Variants in OR10S1 observed in about 807,000 individuals in gnomAD.
The protein encoded by OR10S1 is olfactory receptor family 10 subfamily S member 1, also known as olfactory receptor 10S1.
For synonymous variants in OR10S1, 167 were observed against 164.1 expected (o/e 1.02, Z -0.13); for missense variants, 415 against 407.9 (o/e 1.02, Z -0.15).
Position 123,976,854 on chromosome 11 carries a change from C to T in OR10S1, c.811G>A (p.Glu271Lys), listed in dbSNP as rs746430290. 9 of 1,614,162 alleles carry T rather than the reference C, an allele frequency of 5.6e-6. 1 individual carries two copies. In the South Asian group the frequency reaches 8.8e-5, roughly 16 times the overall value. The change falls in exon 1 of 1, where the codon GAG becomes AAG. Residue 271 changes from glutamate to lysine, a missense_variant. Transcript: ENST00000641123. ...ACAGCAGGGGCCCCAGCTCCTGCCT[C>T]ACTGGAGCGAGGCTGCAGGTAGATA...
exon 1 of OR10S1, chr11:123,977,327 G>T (rs368590825): frequency 2.9e-5 from 47 of 1,614,044 alleles, no homozygotes; most frequent in Non-Finnish European, 3.7e-5. Flanking sequence ...CTCAGTGCTG[G>T]CCAGAAAGTG....
chr11:123,976,781 A>G, exon 1 of OR10S1: 1 of 1,614,196 alleles, frequency 6.2e-7, no homozygotes, highest in Non-Finnish European at 8.5e-7. Context: ...CTTGTTCCGC[A>G]AAGTGTAAAT....
At chr11:123,977,017 G>A in exon 1 of OR10S1, 6 of 1,614,178 alleles carry the variant, frequency 3.7e-6, no homozygotes, top group Non-Finnish European at 5.1e-6. Flanking sequence ...CGATGAGGAT[G>A]AGGCAGCCTG....
chr11:123,977,355 C>A (rs775734563), exon 1 of OR10S1: 3 of 1,614,044 alleles, frequency 1.9e-6, no homozygotes, highest in South Asian at 1.1e-5. Flanking sequence ...TAAAGCTGTA[C>A]GGCACAGCCC....
chr11:123,976,940 G>T (rs1441586208), exon 1 of OR10S1: 5 of 1,613,942 alleles, frequency 3.1e-6, no homozygotes, highest in South Asian at 1.1e-5. Flanking sequence ...GGGGGAGAAG[G>T]CCCGCTGCCG....
exon 1 of OR10S1, chr11:123,976,903 G>A (rs1471441761): frequency 7.4e-6 from 12 of 1,614,082 alleles, no homozygotes; most frequent in Non-Finnish European, 9.3e-6. Context: ...CGTAGTACAG[G>A]AGCACCCCAG....
chr11:123,976,995 T>G, exon 1 of OR10S1: 1 of 1,614,002 alleles, frequency 6.2e-7, no homozygotes, highest in Non-Finnish European at 8.5e-7. Context: ...ACGATGAAGA[T>G]GTAGGAAATA....
rs766584847 is a variant in OR10S1 at position 123,977,240 on chromosome 11, T to C, written c.425A>G (p.Asn142Ser). ...AGCCATTTCTGCACACATCCTTCTG[T>C]TCATGGCCACTGGGTAGTGCAGGGG... Residue 142 changes from asparagine to serine, a missense_variant, in exon 1 of 1, where the codon AAC becomes AGC. Coordinates refer to ENST00000641123, the Ensembl canonical transcript of OR10S1. 6.2e-6 allele frequency: 10 copies of C among 1,614,078 alleles called. No homozygotes were observed. The Admixed American group carries it at 1.3e-4, about 22-fold the overall frequency.
chr11:123,977,103 G>T (rs777461055), exon 1 of OR10S1: 5 of 1,614,124 alleles, frequency 3.1e-6, no homozygotes, highest in Non-Finnish European at 4.2e-6. Flanking sequence ...TTTAGGACAG[G>T]GGGTATGTCG....
At chr11:123,977,536 C>T in exon 1 of OR10S1, 1 of 1,613,918 alleles carries the variant, frequency 6.2e-7, no homozygotes, top group Non-Finnish European at 8.5e-7. Flanking sequence ...GATTCCCAGC[C>T]ACAGTGATGC....
chr11:123,977,764 A>G, exon 1 of OR10S1: 1 of 1,355,062 alleles, frequency 7.4e-7, no homozygotes. Flanking sequence ...TTATCCATCA[A>G]GCCACACCAC....
At chr11:123,977,167 G>A in exon 1 of OR10S1, 1 of 1,614,214 alleles carries the variant, frequency 6.2e-7, no homozygotes, top group Non-Finnish European at 8.5e-7. Flanking sequence ...GGAAGGTGAG[G>A]GAGGTGTGGA....
exon 1 of OR10S1, chr11:123,977,639 T>C (rs902593699): frequency 1.9e-5 from 30 of 1,604,916 alleles, no homozygotes; most frequent in Non-Finnish European, 2.3e-5. Flanking sequence ...CACAGTCTGG[T>C]TGGGGTTCTC....
exon 1 of OR10S1, chr11:123,977,448 G>C: frequency 2.5e-6 from 4 of 1,614,186 alleles, no homozygotes; most frequent in Non-Finnish European, 3.4e-6. Flanking sequence ...CAGGCATCCA[G>C]GAAGGAGAGG....
chr11:123,976,748 C>T (rs866046529), exon 1 of OR10S1: 2 of 1,614,156 alleles, frequency 1.2e-6, no homozygotes, highest in Non-Finnish European at 1.7e-6. Flanking sequence ...GCACAAAAGC[C>T]TTTGCAGAGC....
exon 1 of OR10S1, chr11:123,976,723 C>G: frequency 1.2e-6 from 2 of 1,612,798 alleles, no homozygotes. Flanking sequence ...CTGCTGTAGA[C>G]TCTCGGAAGC....
At chr11:123,977,178 T>C (rs1243802918) in exon 1 of OR10S1, 11 of 1,614,162 alleles carry the variant, frequency 6.8e-6, no homozygotes, top group South Asian at 1.1e-5. Context: ...GAGGTGTGGA[T>C]TGCAGCGTGC....
At chr11:123,976,968 T>A in exon 1 of OR10S1, 1 of 1,614,004 alleles carries the variant, frequency 6.2e-7, no homozygotes, top group Non-Finnish European at 8.5e-7. Context: ...GCTGTGCGGA[T>A]GCGCAACACA....
chr11:123,976,732 G>C (rs1225465613), exon 1 of OR10S1: 17 of 1,613,684 alleles, frequency 1.1e-5, no homozygotes, highest in Non-Finnish European at 1.4e-5. Flanking sequence ...ACTCTCGGAA[G>C]CTGCTGCACA....
Sources: gnomAD v4.1 joint callset for allele counts on GRCh38, gnomAD v4.1.1 for gene constraint, MANE v1.5 for transcripts, NCBI Gene and HGNC (gene_info 2026-07-23, HGNC 2026-07-21) for gene names.